The following NEGR1 variants were observed in gnomAD, a reference collection of about 807,000 sequenced individuals.
The protein encoded by NEGR1 is neuronal growth regulator 1.
NEGR1 carries 10 observed loss-of-function variants against 40.9 expected under a neutral mutation model. The ratio of observed to expected loss-of-function variants is 0.24; its 90% CI spans 0.15 to 0.42. The LOEUF (loss-of-function observed/expected upper bound fraction) is 0.42. Ranked by LOEUF, NEGR1 falls within the 10% of genes least tolerant of loss-of-function variation. The pLI, the probability that NEGR1 is intolerant of heterozygous loss-of-function variation, is 1.00. For synonymous variants in NEGR1, 185 were observed against 166.8 expected (o/e 1.11, Z -0.84); for missense variants, 352 against 438.9 (o/e 0.80, Z 1.77).
At chr1:71,608,951 A>C (rs2101539852) in intron 5 of NEGR1, among the ~76,000 whole-genome samples, 1 of 152,326 alleles carries the variant, frequency 6.6e-6, no homozygotes, top group South Asian at 2.1e-4. Context: ...TTACAAACTG[A>C]AACTTCTCAA....
At chr1:71,882,144 T>C (rs1252066049) in intron 2 of NEGR1, among the ~76,000 whole-genome samples, 1 of 152,116 alleles carries the variant, frequency 6.6e-6, no homozygotes, top group African/African-American at 2.4e-5. Context: ...GGCACCAAAA[T>C]GGACTGTCAT....
chr1:71,468,042 G>C (rs1646758191), intron 6 of NEGR1, among the ~76,000 whole-genome samples: 1 of 151,854 alleles, frequency 6.6e-6, no homozygotes, highest in Non-Finnish European at 1.5e-5. Flanking sequence ...GCAGATAAAA[G>C]TAGATTCAAA....
chr1:71,441,136 G>A (rs1569874801), intron 6 of NEGR1, among the ~76,000 whole-genome samples: 1 of 152,308 alleles, frequency 6.6e-6, no homozygotes, highest in African/African-American at 2.4e-5. Context: ...AGGCCAAAAT[G>A]CACTTCTTCC....
chr1:72,083,493 G>A (rs531728592), intron 1 of NEGR1, among the ~76,000 whole-genome samples: 38 of 151,944 alleles, frequency 2.5e-4, no homozygotes, highest in African/African-American at 8.9e-4. Flanking sequence ...AAAGTAGTTG[G>A]GACTACAGGC....
At chr1:71,600,669 G>A (rs1182618030) in intron 5 of NEGR1, among the ~76,000 whole-genome samples, 2 of 152,182 alleles carry the variant, frequency 1.3e-5, no homozygotes, top group African/African-American at 4.8e-5. Flanking sequence ...GTTGTGTGAG[G>A]GTAGAATGGC....
intron 1 of NEGR1, among the ~76,000 whole-genome samples, chr1:72,103,552 T>A (rs1453599301): frequency 1.3e-5 from 2 of 152,062 alleles, no homozygotes; most frequent in Non-Finnish European, 2.9e-5. Context: ...TGTCACCCTC[T>A]CAATTCACTA....
At chr1:71,639,831 G>A (rs1282237576) in intron 4 of NEGR1, among the ~76,000 whole-genome samples, 2 of 152,008 alleles carry the variant, frequency 1.3e-5, no homozygotes, top group African/African-American at 2.4e-5. Flanking sequence ...GTAGAGGGGT[G>A]GAGGAAGGGA....
At chr1:72,248,343 C>T (rs555702296) in intron 1 of NEGR1, among the ~76,000 whole-genome samples, 6 of 152,110 alleles carry the variant, frequency 3.9e-5, no homozygotes, top group South Asian at 2.1e-4. Flanking sequence ...CTGCAACCTC[C>T]GCCTTCCGGG....
At chr1:72,190,728 T>C (rs548833578) in intron 1 of NEGR1, among the ~76,000 whole-genome samples, 7 of 151,680 alleles carry the variant, frequency 4.6e-5, no homozygotes, top group Non-Finnish European at 8.9e-5. Context: ...ATAATGTACC[T>C]GAATAGCTAA....
chr1:71,593,064 T>C, intron 5 of NEGR1, 96 bp from the exon 6 acceptor site: 2 of 741,152 alleles, frequency 2.7e-6, no homozygotes, highest in South Asian at 1.8e-5. Flanking sequence ...CCATAGACAA[T>C]TCAACTACGC....
chr1:72,208,959 A>C (rs2100459821), intron 1 of NEGR1, among the ~76,000 whole-genome samples: 1 of 151,746 alleles, frequency 6.6e-6, no homozygotes, highest in East Asian at 1.9e-4. Context: ...AAATATTGTA[A>C]GTTTCTTGCT....
intron 1 of NEGR1, among the ~76,000 whole-genome samples, chr1:72,106,946 T>C (rs1569974645): frequency 6.6e-6 from 1 of 152,034 alleles, no homozygotes; most frequent in East Asian, 1.9e-4. Context: ...AGCTACTTAA[T>C]ACAAATCCAA....
intron 1 of NEGR1, among the ~76,000 whole-genome samples, chr1:71,935,721 C>G (rs913581018): frequency 3.3e-5 from 5 of 151,984 alleles, no homozygotes; most frequent in Non-Finnish European, 5.9e-5. Flanking sequence ...CTGACCTGAC[C>G]CAATCTGATA....
intron 1 of NEGR1, among the ~76,000 whole-genome samples, chr1:72,176,292 T>C (rs568860677): frequency 4.1e-4 from 63 of 152,252 alleles, no homozygotes; most frequent in Non-Finnish European, 8.5e-4. Flanking sequence ...AGTTTTAAAA[T>C]GTTTACAATT....
chr1:71,650,813 A>G (rs1271448463), intron 4 of NEGR1, among the ~76,000 whole-genome samples: 1 of 152,194 alleles, frequency 6.6e-6, no homozygotes, highest in Non-Finnish European at 1.5e-5. Flanking sequence ...ATTATCTGCT[A>G]TATGGAGATC....
chr1:71,702,661 A>G (rs1653735820), intron 3 of NEGR1, among the ~76,000 whole-genome samples: 1 of 151,116 alleles, frequency 6.6e-6, no homozygotes, highest in Non-Finnish European at 1.5e-5. Context: ...TCGCTATTAT[A>G]TTTAGGAACA....
chr1:71,668,152 T>G (rs1182572358), intron 4 of NEGR1, among the ~76,000 whole-genome samples: 2 of 152,216 alleles, frequency 1.3e-5, no homozygotes, highest in African/African-American at 4.8e-5. Context: ...ATATCTTTTT[T>G]GTGTGTCATC....
intron 1 of NEGR1, among the ~76,000 whole-genome samples, chr1:71,969,267 G>A (rs1646236769): frequency 6.6e-6 from 1 of 152,014 alleles, no homozygotes; most frequent in Non-Finnish European, 1.5e-5. Context: ...TGCCAGCCTC[G>A]GCCTCCCAAA....
At chr1:71,579,447 T>G (rs555207489) in intron 6 of NEGR1, among the ~76,000 whole-genome samples, 10 of 152,274 alleles carry the variant, frequency 6.6e-5, no homozygotes, top group Admixed American at 1.3e-4. Flanking sequence ...ATGCTGAAGT[T>G]TTAAGATTAT....
Sources: gnomAD v4.1 joint callset for allele counts (sites outside exome capture counted in the v4.1 genomes callset) on GRCh38, gnomAD v4.1.1 for gene constraint, MANE v1.5 for transcripts, NCBI Gene and HGNC (gene_info 2026-07-23, HGNC 2026-07-21) for gene names.